The following STK35 variants were observed in gnomAD, a reference collection of about 807,000 sequenced individuals.
STK35 encodes serine/threonine kinase 35, also known as serine/threonine-protein kinase 35.
In STK35, 17 loss-of-function variants were observed where a neutral mutation model predicts 37.3. The observed-to-expected ratio is 0.46, with a 90% confidence interval of 0.31 to 0.68. The LOEUF is 0.68. Among genes scored for constraint, STK35 ranks in the 30% least tolerant of loss-of-function variants. STK35 has a pLI of 0.05. For synonymous variants in STK35, 385 were observed against 319.1 expected, an observed-to-expected ratio of 1.21 and a Z score of -2.20; for missense variants, 595 against 746.7, an observed-to-expected ratio of 0.80 and a Z score of 2.37.
chr20:2,115,857 T>G (rs996245030), intron 2 of STK35, among the ~76,000 whole-genome samples: 3 of 150,028 alleles, frequency 2.0e-5, no homozygotes, highest in Non-Finnish European at 4.4e-5. Flanking sequence ...GTAAGTTCAG[T>G]CCTGCCCCCT....
Position 2,102,904 on chromosome 20 carries a change from G to A in STK35, c.431G>A (p.Gly144Asp). The A allele has an allele frequency of 1.9e-6, 3 of 1,564,416 alleles. No homozygotes were observed. The highest frequency in any genetic ancestry group is 1.4e-5 in the African/African-American group (1 of 72,020). ...ACGGGGAAGGACGGCGCCCGCAGAG[G>A]TACACAAAGCCCGGAGCGGAAAAGG... ...METGKDGARRGTQSPERKRRS... is the reference protein window; with the variant it reads ...METGKDGARRDTQSPERKRRS... The change falls in exon 2 of 4, where the codon GGT (glycine) becomes GAT (aspartate). Residue 144 changes from glycine (G) to aspartate (D), a missense_variant. By Grantham distance (94) the Gly-to-Asp change is moderately conservative. Around this residue, in one of 3 missense-constraint regions of STK35, gnomAD observed 389 missense variants for 320.0 expected, o/e 1.22. Transcript: ENST00000381482.
intron 3 of STK35, among the ~76,000 whole-genome samples, chr20:2,121,871 G>C (rs1473970504): frequency 6.6e-6 from 1 of 152,178 alleles, no homozygotes; most frequent in Non-Finnish European, 1.5e-5. Flanking sequence ...GGGGAAACCT[G>C]TAACTAGAGT....
intron 2 of STK35, among the ~76,000 whole-genome samples, chr20:2,109,914 C>T (rs1425716300): frequency 6.6e-6 from 1 of 152,236 alleles, no homozygotes; most frequent in Admixed American, 6.5e-5. Context: ...GGCTTTACAG[C>T]CCCTGTCCGG....
At chr20:2,141,416 C>T (rs756392225) in intron 3 of STK35, among the ~76,000 whole-genome samples, 2 of 152,122 alleles carry the variant, frequency 1.3e-5, no homozygotes, top group Non-Finnish European at 2.9e-5. Flanking sequence ...CACCCGCTCC[C>T]TGGGCAGTAG....
chr20:2,114,366 C>T (rs1206042341), intron 2 of STK35, among the ~76,000 whole-genome samples: 2 of 152,106 alleles, frequency 1.3e-5, no homozygotes, highest in South Asian at 4.1e-4. Flanking sequence ...ACCACTTGAG[C>T]ACAGGAGTTG....
In STK35 at chr20:2,111,595, C is replaced by T. The variant is rs928137423; in HGVS notation, c.893-5071C>T. 3.3e-5 allele frequency among the ~76,000 whole-genome samples: 5 copies of T among 152,076 alleles called. No individual in the cohort carries two copies. In the South Asian group the frequency reaches 1.0e-3, roughly 31 times the overall value. On this transcript the variant is annotated intron_variant, in intron 2 of 3. Coordinates refer to ENST00000381482, the MANE Select transcript of STK35 (RefSeq NM_080836.4). ...TGGTTGTAATCCCCACTACTCTATTCGAGAGGCTGAGGCAGGAGGCTCCCT... is the reference window on the plus strand; with the variant it reads ...TGGTTGTAATCCCCACTACTCTATTTGAGAGGCTGAGGCAGGAGGCTCCCT...
At chr20:2,105,336 C>T (rs566513429) in intron 2 of STK35, among the ~76,000 whole-genome samples, 114 of 152,262 alleles carry the variant, frequency 7.5e-4, no homozygotes, top group Non-Finnish European at 1.1e-3. Context: ...TTTGCCTTGC[C>T]GAATGTTTAT....
At chr20:2,130,580 C>G (rs947237482) in intron 3 of STK35, among the ~76,000 whole-genome samples, 9 of 152,126 alleles carry the variant, frequency 5.9e-5, no homozygotes, top group African/African-American at 7.2e-5. Context: ...GCATCTCGCT[C>G]TCTCTTTATT....
intron 3 of STK35, among the ~76,000 whole-genome samples, chr20:2,124,953 T>A (rs1336718845): frequency 6.6e-6 from 1 of 152,204 alleles, no homozygotes; most frequent in Non-Finnish European, 1.5e-5. Flanking sequence ...AGCTGAGCTG[T>A]CAGTTATGTA....
At position 2,103,062 on chromosome 20, in the gene STK35, T is replaced by C; in HGVS notation, c.589T>C (p.Ser197Pro). The C allele has an allele frequency of 6.4e-7, 1 of 1,569,940 alleles. No individual in the cohort carries two copies. The highest frequency in any genetic ancestry group is 2.3e-5 in the East Asian group (1 of 42,650). ...GCGACGGCCTGAGGGCGGTGGCGGG[T>C]CCGCGCGGCCGCGTTACAGCCTGTT... ...ARRRPEGGGG[S>P]ARPRYSLLAE... Residue 197 changes from serine to proline, a missense_variant, in exon 2 of 4, where the codon TCC becomes CCC. This residue lies in a region of STK35 where 389 missense variants were observed against 320.0 expected (regional missense o/e 1.22). Coordinates refer to ENST00000381482, the MANE Select transcript of STK35 (RefSeq NM_080836.4).
rs925853100 is a variant in STK35 at position 2,117,914 on chromosome 20, G to A, written c.*37+499G>A. 1.3e-4 allele frequency among the ~76,000 whole-genome samples: 20 copies of A among 152,300 alleles called. No individual in the cohort carries two copies. Among genetic ancestry groups the A allele is most frequent in the Admixed American group, 1.1e-3 (17 of 15,296 alleles). ...GAAACGTGCAATTATCTGAGTACAC[G>A]TTGGAAAGTCTAGAGAAGTCTTCTC... On this transcript the variant is annotated intron_variant, in intron 3 of 3. Coordinates refer to ENST00000381482, the MANE Select transcript of STK35 (RefSeq NM_080836.4). This position sits in a 1 kb window ranked among gnomAD's most constrained non-coding sequence, Gnocchi z 4.4.
intron 3 of STK35, among the ~76,000 whole-genome samples, chr20:2,134,255 G>A (rs1316445069): frequency 2.6e-5 from 3 of 113,396 alleles, no homozygotes; most frequent in Admixed American, 1.7e-4. Flanking sequence ...GCGAGACTCC[G>A]TCTCCAAAAA....
At chr20:2,129,297 C>T (rs1985958673) in intron 3 of STK35, among the ~76,000 whole-genome samples, 8 of 152,058 alleles carry the variant, frequency 5.3e-5, no homozygotes, top group East Asian at 3.9e-4. Context: ...AGTCTGCCTT[C>T]GTAAAGGGGG....
chr20:2,111,755 G>A (rs1263088021), intron 2 of STK35, among the ~76,000 whole-genome samples: 1 of 152,208 alleles, frequency 6.6e-6, no homozygotes, highest in South Asian at 2.1e-4. Flanking sequence ...ATTTCTTGGA[G>A]TCTAAATCCA....
intron 2 of STK35, among the ~76,000 whole-genome samples, chr20:2,113,800 T>G (rs763271944): frequency 2.8e-4 from 43 of 152,214 alleles, no homozygotes; most frequent in Non-Finnish European, 5.1e-4. Context: ...CCTATCTGAC[T>G]TAAGTCACAG....
chr20:2,122,235 G>A (rs1455799934), intron 3 of STK35, among the ~76,000 whole-genome samples: 1 of 152,186 alleles, frequency 6.6e-6, no homozygotes, highest in Non-Finnish European at 1.5e-5. Context: ...GGGAGACTGA[G>A]GCAGGAGAAT....
intron 2 of STK35, among the ~76,000 whole-genome samples, chr20:2,107,712 A>G (rs540358797): frequency 1.3e-5 from 2 of 152,106 alleles, no homozygotes; most frequent in African/African-American, 2.4e-5. Flanking sequence ...AACTTCCCCA[A>G]CTTGTCGAGT....
chr20:2,130,914 G>T (rs944074243), intron 3 of STK35, among the ~76,000 whole-genome samples: 1 of 152,150 alleles, frequency 6.6e-6, no homozygotes, highest in African/African-American at 2.4e-5. Context: ...GTGGGTAGAG[G>T]TTGTGTCATC....
In STK35 at chr20:2,103,028, C is replaced by T. The variant is rs890429222; in HGVS notation, c.555C>T (p.Phe185=). 1.4e-6 allele frequency: 2 copies of T among 1,468,806 alleles called. No homozygotes were observed. Among genetic ancestry groups the T allele is most frequent in the African/African-American group, 1.5e-5 (1 of 68,308 alleles). The allele number at this position is 1,468,806 out of a possible 1,614,324, so 91.0% of individuals were successfully genotyped here. ...CGGCCGAGGCCCCGGGCGAGGCCTT[C>T]CTGGCGCGGCGACGGCCTGAGGGCG... ...PVAAEAPGEA[F]LARRRPEGGG... The change falls in exon 2 of 4, where the codon TTC becomes TTT. Residue 185 remains phenylalanine (F), a synonymous_variant. Transcript: ENST00000381482.
Sources: gnomAD v4.1 joint callset for allele counts (sites outside exome capture counted in the v4.1 genomes callset) on GRCh38, gnomAD v4.1.1 for gene constraint, gnomAD v4.1.1 regional missense constraint, Gnocchi (gnomAD v3.1) non-coding constraint, MANE v1.5 for transcripts, NCBI Gene and HGNC (gene_info 2026-07-23, HGNC 2026-07-21) for gene names.